The following ZMYM2 variants were observed in gnomAD, a reference collection of about 807,000 sequenced individuals.
ZMYM2 encodes zinc finger MYM-type containing 2.
Under a neutral mutation model 162.8 loss-of-function variants are expected in ZMYM2, and 56 were observed. That is an observed-to-expected ratio of 0.34 (90% CI 0.28 to 0.43). ZMYM2 has a LOEUF of 0.43. Among genes scored for constraint, ZMYM2 ranks in the 20% least tolerant of loss-of-function variants. The pLI is 1.00. For synonymous variants in ZMYM2, 510 were observed against 541.6 expected (o/e 0.94, Z 0.81); for missense variants, 1,275 against 1,621.8 (o/e 0.79, Z 3.67).
At chr13:19,959,161 TCGCGGGGCC>T (rs1954861153) in intron 1 of ZMYM2, among the ~76,000 whole-genome samples, 2 of 134,730 alleles carry the variant, frequency 1.5e-5, no homozygotes, top group Non-Finnish European at 3.2e-5. Context: ...GCGGCGGGGG[TCGCGGGGCC>T]GGCGGGGCGG....
chr13:20,023,869 A>G (rs1952333810), intron 7 of ZMYM2, among the ~76,000 whole-genome samples: 1 of 151,906 alleles, frequency 6.6e-6, no homozygotes, highest in African/African-American at 2.4e-5. Context: ...TAGCTGTGCA[A>G]GTGGCAGTAT....
rs183896253 is a variant in ZMYM2 at position 19,968,100 on chromosome 13, A to G, written c.-11+8074A>G. ...GATCTGCACTGTCAACACTATAACA[A>G]ATCTCTTCTGAGGTCGCTAGTGACC... On this transcript the variant is annotated intron_variant, in intron 2 of 24. Transcript: ENST00000610343. Among the ~76,000 whole-genome samples the G allele has an allele frequency of 2.6e-5, 4 of 152,260 alleles. No individual in the cohort carries two copies. In the East Asian group the frequency reaches 5.8e-4, roughly 22 times the overall value.
upstream of ZMYM2, among the ~76,000 whole-genome samples, chr13:19,955,690 C>G (rs1429255122): frequency 6.6e-6 from 1 of 152,086 alleles, no homozygotes; most frequent in African/African-American, 2.4e-5. Flanking sequence ...GGTGCGCTCT[C>G]GGCTCACTGC....
At chr13:19,896,260 C>CA in the ZMYM2 span, among the ~76,000 whole-genome samples, 1 of 151,576 alleles carries the variant, frequency 6.6e-6, no homozygotes, top group East Asian at 2.0e-4. Flanking sequence ...TCTCCTGTCT[C>CA]AGCCTCCTGA....
intron 2 of ZMYM2, among the ~76,000 whole-genome samples, chr13:19,968,120 G>C (rs1955974133): frequency 6.6e-6 from 1 of 152,216 alleles, no homozygotes; most frequent in African/African-American, 2.4e-5. Context: ...GAGGTCGCTA[G>C]TGACCTAATT....
upstream of ZMYM2, among the ~76,000 whole-genome samples, chr13:19,955,195 T>C (rs537358780): frequency 1.3e-5 from 2 of 151,862 alleles, no homozygotes; most frequent in Non-Finnish European, 2.9e-5. Context: ...ATAGTATTGG[T>C]GGTAGAGATA....
At chr13:19,986,697 C>T (rs993285682) in intron 2 of ZMYM2, among the ~76,000 whole-genome samples, 5 of 152,052 alleles carry the variant, frequency 3.3e-5, no homozygotes, top group Admixed American at 3.3e-4. Context: ...CAAGTACTGT[C>T]ATCAGTAATA....
intron 3 of ZMYM2, among the ~76,000 whole-genome samples, chr13:19,999,101 T>C (rs1015114156): frequency 2.0e-5 from 3 of 152,202 alleles, no homozygotes; most frequent in East Asian, 1.9e-4. Context: ...AGAGAAAATA[T>C]GTCCTCTAGC....
intron 6 of ZMYM2, among the ~76,000 whole-genome samples, chr13:20,011,733 C>T (rs1951207469): frequency 1.3e-5 from 2 of 151,212 alleles, no homozygotes; most frequent in Admixed American, 6.6e-5. Flanking sequence ...GTGTGTGCCA[C>T]CATGCCTAAT....
intron 21 of ZMYM2, among the ~76,000 whole-genome samples, chr13:20,071,560 C>A (rs12869701): frequency 0.11 from 16,165 of 152,194 alleles, 1,245 homozygotes; most frequent in Non-Finnish European, 0.16. Context: ...GGTGAATTGG[C>A]CCCCTGTGCA....
At chr13:20,043,619 G>C (rs2140452441) in intron 12 of ZMYM2, among the ~76,000 whole-genome samples, 2 of 152,076 alleles carry the variant, frequency 1.3e-5, no homozygotes, top group Admixed American at 1.3e-4. Context: ...GTTTTGCTCT[G>C]GGCAGTGTTG....
intron 5 of ZMYM2, 137 bp downstream of exon 5, chr13:20,005,376 A>G (rs556163700): frequency 3.4e-6 from 2 of 592,910 alleles, no homozygotes; most frequent in Admixed American, 7.7e-5. Context: ...ATATCCTATT[A>G]TGTAATCTGA....
At chr13:19,898,773 A>AT in the ZMYM2 span, among the ~76,000 whole-genome samples, 2 of 151,866 alleles carry the variant, frequency 1.3e-5, no homozygotes, top group African/African-American at 4.8e-5. Flanking sequence ...AAAAATAAAA[A>AT]AAAATTAGCC....
At chr13:20,041,302 A>G (rs997655370) in intron 12 of ZMYM2, among the ~76,000 whole-genome samples, 2 of 152,156 alleles carry the variant, frequency 1.3e-5, no homozygotes, top group African/African-American at 4.8e-5. Flanking sequence ...TGAACCCTTT[A>G]CCATTATGTA....
intron 6 of ZMYM2, among the ~76,000 whole-genome samples, chr13:20,014,731 A>G (rs555456375): frequency 8.4e-5 from 12 of 143,170 alleles, no homozygotes; most frequent in African/African-American, 3.1e-4. Flanking sequence ...TTTTTCCTCA[A>G]GGTGGTGAGA....
At position 20,006,518 on chromosome 13, in the gene ZMYM2, A is replaced by C; in HGVS notation, c.1444A>C (p.Asn482His). 2 of 1,613,840 alleles carry C rather than the reference A, an allele frequency of 1.2e-6. No individual in the cohort carries two copies. Among genetic ancestry groups the C allele is most frequent in the Non-Finnish European group, 1.7e-6 (2 of 1,179,838 alleles). Residue 482 changes from asparagine (N) to histidine (H), a missense_variant, in exon 6 of 25, where the codon AAT becomes CAT. Asn to His is a moderately conservative substitution (Grantham distance 68). Coordinates refer to ENST00000610343, the MANE Select transcript of ZMYM2 (RefSeq NM_197968.4). ...CTTGCCCAGTAAAGGTGCTGGAAAT[A>C]ATGTTCTGGTGATTGATGGTCAACA... ...EYLPSKGAGN[N>H]VLVIDGQQKR...
chr13:19,931,574 A>G, the ZMYM2 span, among the ~76,000 whole-genome samples: 1 of 152,096 alleles, frequency 6.6e-6, no homozygotes, highest in African/African-American at 2.4e-5. Context: ...CATACAGTAT[A>G]TTTCTTTTTC....
At chr13:19,976,340 G>C (rs1445335866) in intron 2 of ZMYM2, among the ~76,000 whole-genome samples, 1 of 148,568 alleles carries the variant, frequency 6.7e-6, no homozygotes, top group Non-Finnish European at 1.5e-5. Context: ...AAAAAAAAAA[G>C]AAAGAAAGAA....
intron 22 of ZMYM2, 39 bp downstream of exon 22, chr13:20,082,169 T>C (rs571858491): frequency 7.3e-6 from 10 of 1,369,036 alleles, no homozygotes; most frequent in South Asian, 4.0e-5. Context: ...TCTCTTGATA[T>C]TAGGATTGTT....
Sources: gnomAD v4.1 joint callset for allele counts (sites outside exome capture counted in the v4.1 genomes callset) on GRCh38, gnomAD v4.1.1 for gene constraint, MANE v1.5 for transcripts, NCBI Gene and HGNC (gene_info 2026-07-23, HGNC 2026-07-21) for gene names.